GMDS: variants seen among roughly 807,000 people sequenced by gnomAD.
GMDS encodes GDP-mannose 4,6-dehydratase.
A neutral mutation model predicts 49.9 loss-of-function variants in GMDS; 20 were observed. The observed-to-expected ratio is 0.40, with a 90% CI of 0.28 to 0.58. GMDS has a LOEUF of 0.58. GMDS is among the 20% of genes least tolerant of loss of function. The pLI is 0.42. For synonymous variants in GMDS, 177 were observed against 178.6 expected (o/e 0.99, Z 0.07); for missense variants, 362 against 481.4 (o/e 0.75, Z 2.32).
chr6:1,738,398 CA>C (rs1767132620), intron 8 of GMDS, among the ~76,000 whole-genome samples: 1 of 152,124 alleles, frequency 6.6e-6, no homozygotes, highest in Admixed American at 6.5e-5. Flanking sequence ...AAATGCAAAA[CA>C]AAAATTATTC....
chr6:1,651,040 T>C (rs1022585557), intron 9 of GMDS, among the ~76,000 whole-genome samples: 5 of 152,194 alleles, frequency 3.3e-5, no homozygotes, highest in African/African-American at 1.2e-4. Flanking sequence ...ACAGTGAAGA[T>C]TGGTGAGTGG....
At chr6:2,221,213 T>C (rs1780571427) in intron 1 of GMDS, among the ~76,000 whole-genome samples, 1 of 152,082 alleles carries the variant, frequency 6.6e-6, no homozygotes, top group Non-Finnish European at 1.5e-5. Flanking sequence ...AACACAAAAT[T>C]GTGGCTCAAA....
intron 4 of GMDS, among the ~76,000 whole-genome samples, chr6:2,022,366 C>T (rs1768328951): frequency 6.6e-6 from 1 of 152,176 alleles, no homozygotes; most frequent in African/African-American, 2.4e-5. Flanking sequence ...AAAATCCATG[C>T]TCTGAAAGAC....
intron 7 of GMDS, among the ~76,000 whole-genome samples, chr6:1,756,058 G>A (rs1388199061): frequency 2.0e-5 from 3 of 152,092 alleles, no homozygotes; most frequent in Non-Finnish European, 2.9e-5. Context: ...TTAAACAAAT[G>A]TAAAAGAAAA....
At chr6:1,769,693 A>C (rs926842999) in intron 7 of GMDS, among the ~76,000 whole-genome samples, 5 of 148,406 alleles carry the variant, frequency 3.4e-5, no homozygotes, top group Non-Finnish European at 5.9e-5. Context: ...CAGAGTTTAA[A>C]TGTTTTTTAT....
intron 8 of GMDS, among the ~76,000 whole-genome samples, chr6:1,728,266 T>C (rs1034036023): frequency 1.3e-5 from 2 of 152,242 alleles, no homozygotes; most frequent in African/African-American, 2.4e-5. Flanking sequence ...CTAAAGTTAA[T>C]TGTTTAAGTA....
chr6:1,864,448 A>G (rs1758344659), intron 7 of GMDS, among the ~76,000 whole-genome samples: 1 of 152,218 alleles, frequency 6.6e-6, no homozygotes, highest in African/African-American at 2.4e-5. Context: ...AGAGATTTAT[A>G]TGATCAGACT....
At chr6:2,004,675 G>A (rs1204697818) in intron 4 of GMDS, among the ~76,000 whole-genome samples, 1 of 152,078 alleles carries the variant, frequency 6.6e-6, no homozygotes, top group South Asian at 2.1e-4. Context: ...ACCACAACTT[G>A]AGACTTCTGG....
At chr6:2,195,586 T>G (rs1779241550) in intron 1 of GMDS, among the ~76,000 whole-genome samples, 1 of 152,182 alleles carries the variant, frequency 6.6e-6, no homozygotes, top group East Asian at 1.9e-4. Context: ...AAAGCCTTCT[T>G]TGGAAATAAT....
chr6:2,078,349 G>C (rs1040100334), intron 4 of GMDS, among the ~76,000 whole-genome samples: 3 of 151,866 alleles, frequency 2.0e-5, no homozygotes, highest in African/African-American at 7.3e-5. Flanking sequence ...CTAGTTTCTT[G>C]AGGTGCATCA....
At chr6:1,750,884 G>T (rs1767696316) in intron 7 of GMDS, among the ~76,000 whole-genome samples, 1 of 152,146 alleles carries the variant, frequency 6.6e-6, no homozygotes, top group Non-Finnish European at 1.5e-5. Flanking sequence ...GCGCTTGGTG[G>T]GGGAAGGGGG....
intron 7 of GMDS, 131 bp downstream of exon 7, chr6:1,929,972 G>A: frequency 5.2e-6 from 4 of 770,186 alleles, no homozygotes; most frequent in Non-Finnish European, 8.6e-6. Flanking sequence ...AGCAGCATGA[G>A]TGTAAACATA....
intron 4 of GMDS, among the ~76,000 whole-genome samples, chr6:2,011,230 A>T (rs1330254823): frequency 6.6e-6 from 1 of 152,196 alleles, no homozygotes; most frequent in Non-Finnish European, 1.5e-5. Context: ...GGGAAATGCA[A>T]ATTAAAACCA....
At chr6:2,066,976 A>C (rs1249889798) in intron 4 of GMDS, among the ~76,000 whole-genome samples, 1 of 151,898 alleles carries the variant, frequency 6.6e-6, no homozygotes, top group Non-Finnish European at 1.5e-5. Flanking sequence ...TTTCAGCACC[A>C]CACCACACCT....
chr6:1,941,906 C>A (rs971130944), intron 6 of GMDS, among the ~76,000 whole-genome samples: 5 of 152,112 alleles, frequency 3.3e-5, no homozygotes, highest in Admixed American at 6.5e-5. Context: ...AAATCTTAAA[C>A]ACACACCCCA....
intron 7 of GMDS, among the ~76,000 whole-genome samples, chr6:1,779,125 C>T (rs1000619639): frequency 2.0e-5 from 3 of 152,164 alleles, no homozygotes; most frequent in Non-Finnish European, 4.4e-5. Context: ...CCACATGCCT[C>T]TGGGTACGAG....
At chr6:1,678,577 T>A (rs955127772) in intron 9 of GMDS, among the ~76,000 whole-genome samples, 1 of 152,166 alleles carries the variant, frequency 6.6e-6, no homozygotes, top group African/African-American at 2.4e-5. Context: ...CAATGGACTT[T>A]TATTTTTTTT....
At chr6:2,043,767 GACAAACTT>G (rs1404241804) in intron 4 of GMDS, among the ~76,000 whole-genome samples, 3 of 151,968 alleles carry the variant, frequency 2.0e-5, no homozygotes, top group Non-Finnish European at 4.4e-5. Context: ...AGAGTAGACA[GACAAACTT>G]ACAGGATGGG....
At chr6:2,048,114 G>A (rs1378287879) in intron 4 of GMDS, among the ~76,000 whole-genome samples, 1 of 152,174 alleles carries the variant, frequency 6.6e-6, no homozygotes, top group Non-Finnish European at 1.5e-5. Context: ...AGTCTCTGAT[G>A]ACCAAGAGGA....
Sources: gnomAD v4.1 joint callset for allele counts (sites outside exome capture counted in the v4.1 genomes callset) on GRCh38, gnomAD v4.1.1 for gene constraint, MANE v1.5 for transcripts, NCBI Gene and HGNC (gene_info 2026-07-23, HGNC 2026-07-21) for gene names.